CR2: variants seen among roughly 807,000 people sequenced by gnomAD.
The protein encoded by CR2 is complement C3d receptor 2.
CR2 carries 96 observed loss-of-function variants against 123.0 expected under a neutral mutation model. That is an observed-to-expected ratio of 0.78 (90% confidence interval 0.66 to 0.93). The LOEUF is 0.93. Ranked by LOEUF, CR2 falls within the 40% of genes least tolerant of loss-of-function variation. The probability of loss-of-function intolerance (pLI) is 0.00; values close to 1 mark genes in which losing one functional copy is unlikely to be tolerated. For synonymous variants in CR2, 484 were observed against 469.5 expected (o/e 1.03, Z -0.40); for missense variants, 1,258 against 1,361.0 (o/e 0.92, Z 1.19).
chr1:207,480,819 T>C (rs1156973831), intron 18 of CR2, among the ~76,000 whole-genome samples: 1 of 152,148 alleles, frequency 6.6e-6, no homozygotes, highest in Non-Finnish European at 1.5e-5. Context: ...TATGTTATTA[T>C]ATCTGGTAGG....
chr1:207,476,840 TGTCATA>T (rs1466990890), intron 15 of CR2, among the ~76,000 whole-genome samples: 1 of 152,236 alleles, frequency 6.6e-6, no homozygotes, highest in Non-Finnish European at 1.5e-5. Flanking sequence ...TCATTTTCAT[TGTCATA>T]AACAGTGCAT....
In CR2 at chr1:207,476,220, T is replaced by A; in HGVS notation, c.2717-14T>A. ...CTGTGCTGAGTTAAAGACCCTTTCT[T>A]ATTGGTGTCTAAGCCTTCATAGGGT... On this transcript the variant is annotated splice_polypyrimidine_tract_variant and intron_variant, in intron 14 of 19. Coordinates refer to ENST00000367057, the MANE Select transcript of CR2 (RefSeq NM_001006658.3). 2 of 1,612,924 alleles carry A rather than the reference T, an allele frequency of 1.2e-6. No individual in the cohort carries two copies. Among genetic ancestry groups the A allele is most frequent in the Non-Finnish European group, 1.7e-6 (2 of 1,179,188 alleles).
At chr1:207,465,954 G>A (rs528254567) in intron 1 of CR2, among the ~76,000 whole-genome samples, 1 of 152,284 alleles carries the variant, frequency 6.6e-6, no homozygotes, top group African/African-American at 2.4e-5. Flanking sequence ...CCCCAGTTGT[G>A]TGTTTGAAGC....
Position 207,470,765 on chromosome 1 carries a change from C to T in CR2, c.1251C>T (p.Leu417=). ...EKECQAPPNI[L]NGQKEDRHMV... is the part of the protein sequence containing the mutation. Reference sequence around the variant, plus strand: ...AATGCCAGGCCCCTCCTAACATCCTCAATGGGCAAAAGGAAGATAGACACA... The same window carrying T: ...AATGCCAGGCCCCTCCTAACATCCTTAATGGGCAAAAGGAAGATAGACACA... Residue 417 remains leucine, a synonymous_variant, in exon 7 of 20, where the codon CTC becomes CTT. Transcript: ENST00000367057. 6.2e-7 allele frequency: 1 copy of T among 1,613,848 alleles called. No homozygotes were observed.
chr1:207,474,021 G>T lies in CR2; in HGVS notation c.2240+136G>T, dbSNP rs1007663179. 3.4e-6 allele frequency: 3 copies of T among 878,696 alleles called. No individual in the cohort carries two copies. The African/African-American group carries it at 5.0e-5, about 15-fold the overall frequency. 54.4% of individuals were successfully genotyped at this position (878,696 alleles called of 1,614,324 possible). A position where few individuals can be genotyped will look rare whatever the true frequency, so the allele number is the denominator to read the frequency against. On this transcript the variant is annotated intron_variant, in intron 12 of 19. Coordinates refer to ENST00000367057, the MANE Select transcript of CR2 (RefSeq NM_001006658.3). ...GCATGGAGAATATGAGGTTCCAATG[G>T]CCTAAATAGCAACTCTGACTCTTCA...
At chr1:207,479,319 T>C in intron 17 of CR2, 39 bp downstream of exon 17, 1 of 1,482,560 alleles carries the variant, frequency 6.7e-7, no homozygotes, top group South Asian at 1.1e-5. Context: ...GCTCTTATAA[T>C]ATTTTTTAAA....
intron 19 of CR2, among the ~76,000 whole-genome samples, chr1:207,488,256 C>T (rs1284868838): frequency 2.0e-5 from 3 of 152,222 alleles, no homozygotes; most frequent in African/African-American, 7.2e-5. Context: ...GGCAAGGTCT[C>T]AGGGTCAATC....
In CR2 at chr1:207,466,818, C is replaced by G; in HGVS notation, c.351C>G (p.Ala117=). ...GACATGGTGATTCTGTGACATTTGCCTGTAAAACCAACTTCTCCATGAACG... is the reference window on the plus strand; with the variant it reads ...GACATGGTGATTCTGTGACATTTGCGTGTAAAACCAACTTCTCCATGAACG... ...PYRHGDSVTF[A]CKTNFSMNGN... The change falls in exon 2 of 20, where the codon GCC becomes GCG. Residue 117 remains alanine, a synonymous_variant. Transcript: ENST00000367057. 6.2e-7 allele frequency: 1 copy of G among 1,613,690 alleles called. No homozygotes were observed. Among genetic ancestry groups the G allele is most frequent in the Non-Finnish European group, 8.5e-7 (1 of 1,179,880 alleles).
chr1:207,476,855 A>G (rs887525777), intron 15 of CR2, among the ~76,000 whole-genome samples: 6 of 152,262 alleles, frequency 3.9e-5, no homozygotes, highest in African/African-American at 1.4e-4. Flanking sequence ...TAAACAGTGC[A>G]TATGAAATAT....
At chr1:207,486,230 CAAAAAAAAA>C (rs1173937738) in intron 19 of CR2, among the ~76,000 whole-genome samples, 4 of 42,996 alleles carry the variant, frequency 9.3e-5, no homozygotes, top group Admixed American at 3.8e-4. Flanking sequence ...GACTGCATCT[CAAAAAAAAA>C]AAAAAAAAAA....
In CR2 at chr1:207,472,844, A is replaced by G; in HGVS notation, c.1643A>G (p.Tyr548Cys). The change falls in exon 10 of 20, where the codon TAT becomes TGT. Residue 548 changes from tyrosine to cysteine, a missense_variant. Tyr to Cys is a radical substitution (Grantham distance 194). Transcript: ENST00000367057. ...GGGAGTTCCTTAGAAGATTTTCCAT[A>G]TGGAACCACGGTCACTTACACATGT... Reference protein sequence around the residue: ...HTGSSLEDFPYGTTVTYTCNP... With the variant: ...HTGSSLEDFPCGTTVTYTCNP... 6.2e-7 allele frequency: 1 copy of G among 1,614,042 alleles called. No individual in the cohort carries two copies. Among genetic ancestry groups the G allele is most frequent in the Non-Finnish European group, 8.5e-7 (1 of 1,179,952 alleles).
chr1:207,475,248 T>G, intron 14 of CR2, 32 bp downstream of exon 14: 1 of 1,611,856 alleles, frequency 6.2e-7, no homozygotes, highest in Non-Finnish European at 8.5e-7. Flanking sequence ...AGTTATGGGA[T>G]GTTGTACAGA....
rs557779788 is a variant in CR2, at chr1:207,489,684, T to G, written c.*561T>G. On this transcript the variant is annotated 3_prime_UTR_variant, in exon 20 of 20. Transcript: ENST00000367057. ...GTTTCTCTCACATTACTGTATATAC[T>G]TTGCCTTTCCATAATCACTCAGTGA... 6.6e-6 allele frequency: 1 copy of G among 152,218 alleles called. No homozygotes were observed. Among genetic ancestry groups the G allele is most frequent in the African/African-American group, 2.4e-5 (1 of 41,464 alleles). The allele number at this position is 152,218 out of a possible 1,614,324, so 9.4% of individuals were successfully genotyped here.
chr1:207,483,352 G>A (rs554180368), intron 18 of CR2, among the ~76,000 whole-genome samples: 1 of 152,138 alleles, frequency 6.6e-6, no homozygotes. Flanking sequence ...TGTACTGAGG[G>A]TATCTACGAA....
intron 1 of CR2, among the ~76,000 whole-genome samples, chr1:207,464,712 G>A (rs565918663): frequency 8.5e-4 from 129 of 152,228 alleles, no homozygotes; most frequent in Non-Finnish European, 1.5e-3. Context: ...ACCCTGAAAG[G>A]CAGCAATGTA....
chr1:207,479,381 T>G, intron 17 of CR2, 101 bp downstream of exon 17: 1 of 808,220 alleles, frequency 1.2e-6, no homozygotes, highest in Non-Finnish European at 2.0e-6. Flanking sequence ...ATTTAACTCA[T>G]AGGGAATGTT....
At chr1:207,467,009 T>C (rs1221940754) in intron 2 of CR2, 97 bp downstream of exon 2, 29 of 1,376,730 alleles carry the variant, frequency 2.1e-5, no homozygotes, top group Non-Finnish European at 2.3e-5. Context: ...AGTGTGAACA[T>C]GTAATGATGA....
chr1:207,473,942 C>T, intron 12 of CR2, 57 bp downstream of exon 12: 3 of 1,511,386 alleles, frequency 2.0e-6, no homozygotes, highest in Non-Finnish European at 2.7e-6. Flanking sequence ...TGTGGATTAA[C>T]TTGACCTTCA....
intron 19 of CR2, among the ~76,000 whole-genome samples, chr1:207,488,875 A>C (rs1333881548): frequency 2.6e-5 from 4 of 152,146 alleles, no homozygotes; most frequent in Non-Finnish European, 5.9e-5. Context: ...TTGTTGAATG[A>C]GTTTATGAAT....
Sources: gnomAD v4.1 joint callset for allele counts (sites outside exome capture counted in the v4.1 genomes callset) on GRCh38, gnomAD v4.1.1 for gene constraint, MANE v1.5 for transcripts, NCBI Gene and HGNC (gene_info 2026-07-23, HGNC 2026-07-21) for gene names.